NFKB1: variants seen among roughly 807,000 people sequenced by gnomAD.
NFKB1 encodes nuclear factor kappa B subunit 1.
In NFKB1, 9 loss-of-function variants were observed where a neutral mutation model predicts 105.1. That is an observed-to-expected ratio of 0.09 (90% CI 0.05 to 0.15). The LOEUF is 0.15. Among genes scored for constraint, NFKB1 ranks in the 10% least tolerant of loss-of-function variants. The pLI, the probability that NFKB1 is intolerant of heterozygous loss-of-function variation, is 1.00. For missense variants in NFKB1, 830 were observed against 1,203.7 expected (o/e 0.69, Z 4.59); for synonymous variants, 440 against 442.2 (o/e 1.00, Z 0.06).
intron 15 of NFKB1, among the ~76,000 whole-genome samples, chr4:102,598,226 T>C (rs1726805124): frequency 6.6e-6 from 1 of 152,220 alleles, no homozygotes; most frequent in Non-Finnish European, 1.5e-5. Context: ...CCAAACACCA[T>C]GCCTTCCATT....
chr4:102,582,677 A>C (rs1360946526), intron 9 of NFKB1, among the ~76,000 whole-genome samples, 189 bp from the exon 10 acceptor site: 1 of 152,182 alleles, frequency 6.6e-6, no homozygotes, highest in South Asian at 2.1e-4. Context: ...GTTGGGGCGC[A>C]TTACTGTGGT....
intron 22 of NFKB1, 34 bp from the exon 23 acceptor site, chr4:102,613,391 A>G (rs756345470): frequency 1.9e-6 from 3 of 1,607,466 alleles, no homozygotes; most frequent in Non-Finnish European, 2.6e-6. Flanking sequence ...ACTCGAACAC[A>G]AGAACATGCT....
chr4:102,599,464 G>T (rs1177525844), intron 15 of NFKB1, among the ~76,000 whole-genome samples: 1 of 152,196 alleles, frequency 6.6e-6, no homozygotes, highest in Non-Finnish European at 1.5e-5. Flanking sequence ...TTTTAGAGAA[G>T]ATCCAGCCTG....
chr4:102,519,067 C>T (rs866323413), intron 1 of NFKB1, among the ~76,000 whole-genome samples: 48 of 152,128 alleles, frequency 3.2e-4, no homozygotes, highest in Middle Eastern at 3.4e-3. Context: ...TTTCAATCTG[C>T]CACAACCGTA....
Position 102,582,903 on chromosome 4 carries a change from T to C in NFKB1, c.873T>C (p.Asn291=). 1 of 1,612,694 alleles carries C rather than the reference T, an allele frequency of 6.2e-7. No individual in the cohort carries two copies. Among genetic ancestry groups the C allele is most frequent in the Non-Finnish European group, 8.5e-7 (1 of 1,179,046 alleles). The change falls in exon 10 of 24, where the codon AAT becomes AAC. Residue 291 remains asparagine (N), a synonymous_variant. Transcript: ENST00000226574. ...TTCGATTTTATGAAGAGGAAGAAAA[T>C]GGTGGAGTCTGGGAAGGATTTGGAG... is the stretch of plus-strand genomic sequence containing the variant. The part of the protein sequence containing the change: ...IQIRFYEEEE[N]GGVWEGFGDF...
chr4:102,584,944 C>A lies in NFKB1; in HGVS notation c.1066+124C>A, dbSNP rs1349551278. ...TTGCCCAGGCTGGAGTGCAATGGTGCAATCATAGCTCACTGCAACTTCGAA... is the reference window on the plus strand; with the variant it reads ...TTGCCCAGGCTGGAGTGCAATGGTGAAATCATAGCTCACTGCAACTTCGAA... On this transcript the variant is annotated intron_variant, in intron 11 of 23. Coordinates refer to ENST00000226574, the MANE Select transcript of NFKB1 (RefSeq NM_003998.4). 5 of 832,190 alleles carry A rather than the reference C, an allele frequency of 6.0e-6. No individual in the cohort carries two copies. The Admixed American group carries it at 1.5e-4, about 25-fold the overall frequency. The allele number at this position is 832,190 out of a possible 1,614,324, so 51.6% of individuals were successfully genotyped here. A position where few individuals can be genotyped will look rare whatever the true frequency, so the allele number is the denominator to read the frequency against.
intron 12 of NFKB1, 84 bp downstream of exon 12, chr4:102,593,652 T>G (rs1477543097): frequency 7.4e-7 from 1 of 1,348,074 alleles, no homozygotes; most frequent in East Asian, 2.4e-5. Context: ...AGCATGTCTG[T>G]GAGTTGAGTG....
intron 15 of NFKB1, 76 bp downstream of exon 15, chr4:102,597,737 G>C (rs755485909): frequency 4.8e-6 from 7 of 1,457,530 alleles, no homozygotes; most frequent in Non-Finnish European, 6.5e-6. Context: ...ATACTGACTA[G>C]AGATAAAAAT....
chr4:102,540,232 C>A (rs1391212312), intron 5 of NFKB1, among the ~76,000 whole-genome samples: 1 of 152,086 alleles, frequency 6.6e-6, no homozygotes, highest in Non-Finnish European at 1.5e-5. Flanking sequence ...AGTAACAATT[C>A]TTGATACTAA....
intron 2 of NFKB1, among the ~76,000 whole-genome samples, chr4:102,528,149 G>GTGTATATCTC (rs2149116247): frequency 6.6e-6 from 1 of 152,252 alleles, no homozygotes; most frequent in African/African-American, 2.4e-5. Context: ...TTAGTCTGAA[G>GTGTATATCTC]TGAAGAGTAT....
At chr4:102,563,499 GTACTT>G (rs1340227960) in intron 5 of NFKB1, among the ~76,000 whole-genome samples, 1 of 152,154 alleles carries the variant, frequency 6.6e-6, no homozygotes, top group East Asian at 1.9e-4. Context: ...AGGTGGAAGA[GTACTT>G]TACAGTAATA....
intron 15 of NFKB1, among the ~76,000 whole-genome samples, chr4:102,597,955 T>G (rs1412860264): frequency 6.6e-6 from 1 of 152,188 alleles, no homozygotes; most frequent in African/African-American, 2.4e-5. Flanking sequence ...AAGCCTTGCT[T>G]TGTTTATTGA....
intron 10 of NFKB1, among the ~76,000 whole-genome samples, chr4:102,583,640 A>G (rs1254220396): frequency 5.3e-5 from 8 of 152,224 alleles, no homozygotes; most frequent in African/African-American, 1.7e-4. Flanking sequence ...GTCATCTTCT[A>G]ATTGAAGCTG....
At chr4:102,597,810 G>A in intron 15 of NFKB1, 149 bp downstream of exon 15, 3 of 953,290 alleles carry the variant, frequency 3.1e-6, no homozygotes, top group Non-Finnish European at 4.5e-6. Context: ...TGTGAATAAG[G>A]TTAAGTAGCA....
chr4:102,541,424 G>A (rs191147503), intron 5 of NFKB1, among the ~76,000 whole-genome samples: 185 of 152,280 alleles, frequency 1.2e-3, no homozygotes, highest in Admixed American at 2.4e-3. Flanking sequence ...TATAATTTCT[G>A]TTAGAATATC....
chr4:102,502,160 G>A (rs920882316), intron 1 of NFKB1: 1 of 152,674 alleles, frequency 6.5e-6, no homozygotes, highest in African/African-American at 2.4e-5. Context: ...GCGGCGCGGA[G>A]GAGAGAGGGA....
intron 5 of NFKB1, among the ~76,000 whole-genome samples, chr4:102,540,815 C>T (rs1195711168): frequency 6.6e-6 from 1 of 151,974 alleles, no homozygotes; most frequent in Non-Finnish European, 1.5e-5. Context: ...CTCCAAATAT[C>T]CCTTTTAATA....
rs376678247 is a variant in NFKB1 at position 102,580,602 on chromosome 4, G to A, written c.798G>A (p.Gly266=). 7 of 1,613,808 alleles carry A rather than the reference G, an allele frequency of 4.3e-6. No homozygotes were observed. Among genetic ancestry groups the A allele is most frequent in the Non-Finnish European group, 5.9e-6 (7 of 1,179,812 alleles). Residue 266 remains glycine (G), a synonymous_variant, in exon 9 of 24, where the codon GGG becomes GGA. Coordinates refer to ENST00000226574, the MANE Select transcript of NFKB1 (RefSeq NM_003998.4). ...GGACAGCTGGATGTGTGACTGGAGG[G>A]GAGGAAATTTATCTTCTTTGTGACA... is the stretch of plus-strand genomic sequence containing the variant. ...MDRTAGCVTG[G]EEIYLLCDKV... is the part of the protein sequence containing the mutation.
At chr4:102,587,284 C>G (rs1209078439) in intron 11 of NFKB1, among the ~76,000 whole-genome samples, 2 of 152,000 alleles carry the variant, frequency 1.3e-5, no homozygotes, top group Non-Finnish European at 2.9e-5. Flanking sequence ...TAAAAGTAGA[C>G]ACAGAAGAAA....
Sources: gnomAD v4.1 joint callset for allele counts (sites outside exome capture counted in the v4.1 genomes callset) on GRCh38, gnomAD v4.1.1 for gene constraint, MANE v1.5 for transcripts, NCBI Gene and HGNC (gene_info 2026-07-23, HGNC 2026-07-21) for gene names.